The following ABCB9 variants were observed in gnomAD, a reference collection of about 807,000 sequenced individuals.
The protein encoded by ABCB9 is ATP binding cassette subfamily B member 9.
In ABCB9, 36 loss-of-function variants were observed where a neutral mutation model predicts 62.0. The observed-to-expected ratio is 0.58, with a 90% CI of 0.45 to 0.77. The LOEUF is 0.77. Ranked by LOEUF, ABCB9 falls within the 30% of genes least tolerant of loss-of-function variation. ABCB9 has a pLI of 0.00. For missense variants in ABCB9, 943 were observed against 1,054.7 expected (o/e 0.89, Z 1.47); for synonymous variants, 435 against 461.4 (o/e 0.94, Z 0.73).
intron 11 of ABCB9, chr12:122,921,167 C>A: frequency 3.2e-6 from 3 of 933,022 alleles, no homozygotes; most frequent in Non-Finnish European, 4.9e-6. Flanking sequence ...GTAATCCCAG[C>A]ACTTTGGGAG....
intron 2 of ABCB9, among the ~76,000 whole-genome samples, chr12:122,954,453 C>A (rs560283908): frequency 5.3e-5 from 8 of 152,150 alleles, no homozygotes; most frequent in South Asian, 4.2e-4. Flanking sequence ...GGTGATCTGC[C>A]CCCCCTTGCT....
intron 9 of ABCB9, among the ~76,000 whole-genome samples, chr12:122,936,315 T>C: frequency 6.6e-6 from 1 of 152,222 alleles, no homozygotes; most frequent in East Asian, 1.9e-4. Context: ...GGATATTTAC[T>C]AAACTGTTAA....
intron 5 of ABCB9, 128 bp downstream of exon 5, chr12:122,948,488 AAATGAATG>A (rs552011349): frequency 1.3e-6 from 1 of 786,620 alleles, no homozygotes; most frequent in Non-Finnish European, 1.9e-6. Flanking sequence ...ATGAGCGAAG[AAATGAATG>A]AATGAATGCA....
At chr12:122,957,715 G>A (rs1262426911) in intron 2 of ABCB9, among the ~76,000 whole-genome samples, 2 of 78,060 alleles carry the variant, frequency 2.6e-5, no homozygotes, top group African/African-American at 1.0e-4. Context: ...TTTTTTTTTC[G>A]TTATCTGCCT....
rs1014180336 is a variant in ABCB9, at chr12:122,949,776, G to A, written c.847+12C>T. On this transcript the variant is annotated intron_variant, in intron 4 of 11. Transcript: ENST00000280560. ...CAGCCCCCAGGACACCTAGGGCACTGGAAGGACCAACCTGTGCGGTTCTCA... is the reference window on the plus strand; with the variant it reads ...CAGCCCCCAGGACACCTAGGGCACTAGAAGGACCAACCTGTGCGGTTCTCA... 2 of 1,613,810 alleles carry A rather than the reference G, an allele frequency of 1.2e-6. No individual in the cohort carries two copies. The highest frequency in any genetic ancestry group is 2.7e-5 in the African/African-American group (2 of 74,924).
chr12:122,920,770 A>C (rs2034728003), downstream of ABCB9, among the ~76,000 whole-genome samples: 1 of 151,948 alleles, frequency 6.6e-6, no homozygotes, highest in South Asian at 2.1e-4. Flanking sequence ...AAATTTTGCC[A>C]GGCATGGTGG....
In ABCB9 at chr12:122,966,443, TGCAAGGTCG is replaced by T. The variant is rs2037180048; in HGVS notation, c.-253_-245del. The T allele has an allele frequency of 6.6e-6, 1 of 152,252 alleles. No homozygotes were observed. Among genetic ancestry groups the T allele is most frequent in the Non-Finnish European group, 1.5e-5 (1 of 68,172 alleles). 9.4% of individuals were successfully genotyped at this position (152,252 alleles called of 1,614,324 possible). ...CCGCCTCCCACCCGCGCTGCGCCGC[TGCAAGGTCG>T]GAGCTGAGACTGGCGTGCGTTGAGA... On this transcript the variant is annotated 5_prime_UTR_variant, in exon 1 of 12. Transcript: ENST00000280560.
chr12:122,974,775 AC>A (rs2037356479), exon 1 of ABCB9: 1 of 153,182 alleles, frequency 6.5e-6, no homozygotes, highest in Middle Eastern at 3.1e-3. Context: ...CCAGGCAGGG[AC>A]CCGGGGTAGA....
At chr12:122,943,280 C>T (rs1168177467) in intron 7 of ABCB9, among the ~76,000 whole-genome samples, 1 of 152,210 alleles carries the variant, frequency 6.6e-6, no homozygotes, top group African/African-American at 2.4e-5. Flanking sequence ...TTCCTTCCTT[C>T]CACGTCTCAC....
intron 1 of ABCB9, among the ~76,000 whole-genome samples, chr12:122,960,966 T>C (rs2036863029): frequency 6.6e-6 from 1 of 151,748 alleles, no homozygotes. Context: ...GAGGCCAAGA[T>C]GGGAGGATCG....
At chr12:122,918,666 C>T (rs763468853), downstream of ABCB9, among the ~76,000 whole-genome samples, 1 of 152,022 alleles carries the variant, frequency 6.6e-6, no homozygotes, top group Non-Finnish European at 1.5e-5. Flanking sequence ...CTATGTTGCC[C>T]AGGCTGGTCT....
rs774916976 is a variant in ABCB9, at chr12:122,940,047, C to T, written c.1743+64G>A. On this transcript the variant is annotated intron_variant, in intron 9 of 11. Coordinates refer to ENST00000280560, the MANE Select transcript of ABCB9 (RefSeq NM_019625.4). This position sits in a 1 kb window ranked among gnomAD's most constrained non-coding sequence, Gnocchi z 4.8. ...GTGCCCTCTTCCGCACCTGTTACAG[C>T]TCACAAGAAAGACGGTTAGATGCAG... is the stretch of plus-strand genomic sequence containing the variant. 5.2e-6 allele frequency: 8 copies of T among 1,544,342 alleles called. No homozygotes were observed. The highest frequency in any genetic ancestry group is 2.0e-5 in the Admixed American group (1 of 50,004).
downstream of ABCB9, among the ~76,000 whole-genome samples, chr12:122,928,127 G>A (rs772048694): frequency 9.9e-5 from 15 of 152,226 alleles, no homozygotes; most frequent in South Asian, 1.4e-3. Flanking sequence ...AGATCAGCCC[G>A]GATTATCTAG....
Position 122,973,603 on chromosome 12 carries a change from A to C in ABCB9, c.-88+1112T>G, listed in dbSNP as rs1358837121. Among the ~76,000 whole-genome samples the C allele has an allele frequency of 3.6e-4, 51 of 143,410 alleles. 1 individual carries two copies. The highest frequency in any genetic ancestry group is 1.1e-3 in the Admixed American group (15 of 14,168). 94.1% of individuals were successfully genotyped at this position (143,410 alleles called of 152,430 possible). A position where few individuals can be genotyped will look rare whatever the true frequency, so the allele number is the denominator to read the frequency against. ...GAAAAAAAAAAAAAAAAAAAAAAAA[A>C]AAAAAACAAAAACTTTGGGAGGCCG... On this transcript the variant is annotated intron_variant, in intron 1 of 11. Coordinates refer to the ABCB9 transcript ENST00000392439.
At chr12:122,938,821 CTG>C (rs1436631001) in intron 9 of ABCB9, among the ~76,000 whole-genome samples, 3 of 151,286 alleles carry the variant, frequency 2.0e-5, no homozygotes, top group Non-Finnish European at 4.4e-5. Context: ...GAGCGAGACT[CTG>C]TCTCCAAAAA....
In ABCB9 at chr12:122,947,096, C is replaced by T. The variant is rs566760071; in HGVS notation, c.1054-874G>A. 2.3e-4 allele frequency among the ~76,000 whole-genome samples: 35 copies of T among 152,274 alleles called. No individual in the cohort carries two copies. In the South Asian group the frequency reaches 7.3e-3, roughly 32 times the overall value. On this transcript the variant is annotated intron_variant, in intron 5 of 11. Transcript: ENST00000280560. The surrounding 1 kb of genome is among the most constrained non-coding windows in gnomAD (Gnocchi z 6.0). ...ACACATTCAGGCATGGGGTGGAAAA[C>T]CCAAACAGAGCCTTCCTGAGGCCTC...
At position 122,959,903 on chromosome 12, in the gene ABCB9, G is replaced by T; in HGVS notation, c.333C>A (p.Ile111=). 6.2e-7 allele frequency: 1 copy of T among 1,613,504 alleles called. No individual in the cohort carries two copies. The highest frequency in any genetic ancestry group is 8.5e-7 in the Non-Finnish European group (1 of 1,179,916). Reference sequence around the variant, plus strand: ...ACAGGGCCCAAAACCAGGGGTCCCGGATGGGCCTGCGCACCTCTGAGAAGA... The same window carrying T: ...ACAGGGCCCAAAACCAGGGGTCCCGTATGGGCCTGCGCACCTCTGAGAAGA... ...LLLFSEVRRP[I]RDPWFWALFV... is the part of the protein sequence containing the mutation. Residue 111 remains isoleucine, a synonymous_variant, in exon 2 of 12, where the codon ATC becomes ATA. Coordinates refer to ENST00000280560, the MANE Select transcript of ABCB9 (RefSeq NM_019625.4). This position sits in a 1 kb window ranked among gnomAD's most constrained non-coding sequence, Gnocchi z 5.4.
chr12:122,965,942 T>G (rs976218542), intron 1 of ABCB9, among the ~76,000 whole-genome samples: 3 of 152,084 alleles, frequency 2.0e-5, no homozygotes, highest in Admixed American at 6.5e-5. Flanking sequence ...AGCCCTGACA[T>G]GGACAGTGGG....
At position 122,935,258 on chromosome 12, in the gene ABCB9, C is replaced by A. The variant is rs779782244; in HGVS notation, c.1903+14G>T. 1 of 1,593,974 alleles carries A rather than the reference C, an allele frequency of 6.3e-7. No individual in the cohort carries two copies. On this transcript the variant is annotated intron_variant, in intron 10 of 11. Transcript: ENST00000280560. ...CCTGTGGGCCCAGGAGAGGGGCCACCCCCAGCTCCACACCTGTGCTGTAGC... is the reference window on the plus strand; with the variant it reads ...CCTGTGGGCCCAGGAGAGGGGCCACACCCAGCTCCACACCTGTGCTGTAGC...
Sources: gnomAD v4.1 joint callset for allele counts (sites outside exome capture counted in the v4.1 genomes callset) on GRCh38, gnomAD v4.1.1 for gene constraint, Gnocchi (gnomAD v3.1) non-coding constraint, MANE v1.5 for transcripts, NCBI Gene and HGNC (gene_info 2026-07-23, HGNC 2026-07-21) for gene names.